The following GNAS-AS1 variants were observed in gnomAD, a reference collection of about 807,000 sequenced individuals.
The protein encoded by GNAS-AS1 is GNAS antisense RNA 1 (non-protein coding).
intron 2 of GNAS-AS1, among the ~76,000 whole-genome samples, chr20:58,848,254 C>A (rs2086012742): frequency 1.3e-5 from 2 of 152,160 alleles, no homozygotes; most frequent in Non-Finnish European, 2.9e-5. Flanking sequence ...GACAGCCAAT[C>A]CTGTCCTCCC....
rs1448185576 is a variant in GNAS-AS1, at chr20:58,840,428, G to T, written n.819+1509C>A. 2.5e-6 allele frequency: 4 copies of T among 1,613,540 alleles called. No homozygotes were observed. The highest frequency in any genetic ancestry group is 1.7e-6 in the Non-Finnish European group (2 of 1,179,902). ...GTGCCTAGAGTACGAGGAAGAGTTC[G>T]ACTACGAGACCGAGAGCGAGACCGA... is the stretch of plus-strand genomic sequence containing the variant. On this transcript the variant is annotated intron_variant and non_coding_transcript_variant, in intron 4 of 4. Coordinates refer to ENST00000424094, the Ensembl canonical transcript of GNAS-AS1. The surrounding 1 kb of genome is among the most constrained non-coding windows in gnomAD (Gnocchi z 6.0).
In GNAS-AS1 at chr20:58,841,487, A is replaced by T; in HGVS notation, n.819+450T>A. 4 of 991,230 alleles carry T rather than the reference A, an allele frequency of 4.0e-6. No homozygotes were observed. Among genetic ancestry groups the T allele is most frequent in the Non-Finnish European group, 4.8e-6 (4 of 834,040 alleles). 61.4% of individuals were successfully genotyped at this position (991,230 alleles called of 1,614,324 possible). A position where few individuals can be genotyped will look rare whatever the true frequency, so the allele number is the denominator to read the frequency against. On this transcript the variant is annotated intron_variant and non_coding_transcript_variant, in intron 4 of 4. Coordinates refer to ENST00000424094, the Ensembl canonical transcript of GNAS-AS1. The surrounding 1 kb of genome is among the most constrained non-coding windows in gnomAD (Gnocchi z 5.0). ...CTCAGAGCCGGAGCCCAGGTCCCAG[A>T]GCTGACAATTAAGCCGCGGGACCTC...
intron 2 of GNAS-AS1, among the ~76,000 whole-genome samples, chr20:58,847,878 A>C (rs1568916634): frequency 6.6e-6 from 1 of 152,220 alleles, no homozygotes; most frequent in Non-Finnish European, 1.5e-5. Flanking sequence ...AGAATCCCAG[A>C]ATGTAAGTAG....
At chr20:58,844,234 G>GT (rs1482987307) in intron 2 of GNAS-AS1, among the ~76,000 whole-genome samples, 2 of 152,170 alleles carry the variant, frequency 1.3e-5, no homozygotes, top group Non-Finnish European at 2.9e-5. Flanking sequence ...TTACCTGGAA[G>GT]GTGACCTATC....
chr20:58,840,451 C>T lies in GNAS-AS1; in HGVS notation n.819+1486G>A. ...TCGACTACGAGACCGAGAGCGAGACCGAGTCCGAAATCGAGTCCGAGACCG... is the reference window on the plus strand; with the variant it reads ...TCGACTACGAGACCGAGAGCGAGACTGAGTCCGAAATCGAGTCCGAGACCG... On this transcript the variant is annotated intron_variant and non_coding_transcript_variant, in intron 4 of 4. Coordinates refer to ENST00000424094, the Ensembl canonical transcript of GNAS-AS1. This position sits in a 1 kb window ranked among gnomAD's most constrained non-coding sequence, Gnocchi z 6.0. 2 of 1,613,406 alleles carry T rather than the reference C, an allele frequency of 1.2e-6. No homozygotes were observed. Among genetic ancestry groups the T allele is most frequent in the South Asian group, 1.1e-5 (1 of 91,066 alleles).
chr20:58,823,077 C>T (rs2085496587), intron 4 of GNAS-AS1, among the ~76,000 whole-genome samples: 1 of 151,950 alleles, frequency 6.6e-6, no homozygotes, highest in African/African-American at 2.4e-5. Flanking sequence ...CTTCCCAAGC[C>T]TTAATCCCAC....
chr20:58,820,883 T>C (rs1036176602), intron 4 of GNAS-AS1, among the ~76,000 whole-genome samples: 1 of 152,196 alleles, frequency 6.6e-6, no homozygotes, highest in African/African-American at 2.4e-5. Context: ...CACGTGGGAA[T>C]TGTGAGAGTT....
chr20:58,821,718 C>G (rs1395891218), intron 4 of GNAS-AS1, among the ~76,000 whole-genome samples: 1 of 152,164 alleles, frequency 6.6e-6, no homozygotes, highest in African/African-American at 2.4e-5. Context: ...ATGTACATGG[C>G]TCTGAAGGAG....
In GNAS-AS1 at chr20:58,836,792, C is replaced by G. The variant is rs2085606681; in HGVS notation, n.819+5145G>C. ...TCTCAGTGCAGTCCCCCACTCCTTCCTCCCAGAGCCTGTGGTGAATGTACA... is the reference window on the plus strand; with the variant it reads ...TCTCAGTGCAGTCCCCCACTCCTTCGTCCCAGAGCCTGTGGTGAATGTACA... On this transcript the variant is annotated intron_variant and non_coding_transcript_variant, in intron 4 of 4. Transcript: ENST00000424094. Among the ~76,000 whole-genome samples, 6 of 152,364 alleles carry G rather than the reference C, an allele frequency of 3.9e-5. No homozygotes were observed. The South Asian group carries it at 1.0e-3, about 26-fold the overall frequency.
intron 4 of GNAS-AS1, among the ~76,000 whole-genome samples, chr20:58,821,252 G>C (rs1381732537): frequency 1.3e-5 from 2 of 152,030 alleles, no homozygotes; most frequent in Non-Finnish European, 2.9e-5. Context: ...CCCACCTCAG[G>C]GCCCTTCCAC....
At chr20:58,824,140 C>A (rs1414861448) in intron 4 of GNAS-AS1, 2 of 398,450 alleles carry the variant, frequency 5.0e-6, no homozygotes, top group Non-Finnish European at 8.8e-6. Flanking sequence ...GAGAAGAACC[C>A]AGTCTACTGT....
rs1487951855 is a variant in GNAS-AS1, at chr20:58,841,850, C to A, written n.819+87G>T. The A allele has an allele frequency of 1.6e-6, 2 of 1,230,970 alleles. No individual in the cohort carries two copies. Among genetic ancestry groups the A allele is most frequent in the Middle Eastern group, 3.1e-4 (1 of 3,206 alleles). 76.3% of individuals were successfully genotyped at this position (1,230,970 alleles called of 1,614,324 possible). A position where few individuals can be genotyped will look rare whatever the true frequency, so the allele number is the denominator to read the frequency against. ...GCTGTTTGCGCAGGACCTCTGGAGG[C>A]CCTCGAGATCGTCGCAAGTGGAAAG... On this transcript the variant is annotated intron_variant and non_coding_transcript_variant, in intron 4 of 4. Coordinates refer to ENST00000424094, the Ensembl canonical transcript of GNAS-AS1. The surrounding 1 kb of genome is among the most constrained non-coding windows in gnomAD (Gnocchi z 5.0).
At chr20:58,848,616 T>A (rs2086033029) in intron 2 of GNAS-AS1, among the ~76,000 whole-genome samples, 1 of 152,158 alleles carries the variant, frequency 6.6e-6, no homozygotes, top group Non-Finnish European at 1.5e-5. Flanking sequence ...GCCATCTCCC[T>A]CCAGATCAAG....
chr20:58,839,561 G>T, intron 4 of GNAS-AS1: 1 of 404,496 alleles, frequency 2.5e-6, no homozygotes, highest in Non-Finnish European at 4.4e-6. Flanking sequence ...CCCGCCCATC[G>T]CTTCGCCCAA....
intron 4 of GNAS-AS1, among the ~76,000 whole-genome samples, chr20:58,837,972 G>A (rs1355952176): frequency 2.0e-5 from 3 of 152,178 alleles, no homozygotes; most frequent in Non-Finnish European, 2.9e-5. Flanking sequence ...TCAGACACCA[G>A]GCAGAAGTAC....
At chr20:58,842,405 GA>G (rs995461153) in intron 3 of GNAS-AS1, 5 of 398,366 alleles carry the variant, frequency 1.3e-5, no homozygotes, top group Non-Finnish European at 2.2e-5. Flanking sequence ...TAACTCCTAA[GA>G]AAAGGATGAT....
chr20:58,833,524 G>C (rs2085581207), intron 4 of GNAS-AS1, among the ~76,000 whole-genome samples: 1 of 152,104 alleles, frequency 6.6e-6, no homozygotes, highest in Non-Finnish European at 1.5e-5. Context: ...TAGCAGTGGA[G>C]GTGACCTTGT....
In GNAS-AS1 at chr20:58,840,018, C is replaced by G; in HGVS notation, n.819+1919G>C. 1.4e-6 allele frequency: 2 copies of G among 1,477,534 alleles called. No individual in the cohort carries two copies. The highest frequency in any genetic ancestry group is 1.9e-6 in the Non-Finnish European group (2 of 1,070,204). The allele number at this position is 1,477,534 out of a possible 1,614,324, so 91.5% of individuals were successfully genotyped here. ...CCAGCTTCTCACCTCATAGGGTGTA[C>G]CTTTCCCGGCTCCAGCAGCCAATGT... On this transcript the variant is annotated intron_variant and non_coding_transcript_variant, in intron 4 of 4. Coordinates refer to ENST00000424094, the Ensembl canonical transcript of GNAS-AS1. The surrounding 1 kb of genome is among the most constrained non-coding windows in gnomAD (Gnocchi z 6.0).
chr20:58,841,444 C>A lies in GNAS-AS1; in HGVS notation n.819+493G>T, dbSNP rs1268166616. ...GACCACCCGGGAGGGAAGTCACGCGCGCGCGGCGCCTAAGCAGCTCAGAGC... is the reference window on the plus strand; with the variant it reads ...GACCACCCGGGAGGGAAGTCACGCGAGCGCGGCGCCTAAGCAGCTCAGAGC... On this transcript the variant is annotated intron_variant and non_coding_transcript_variant, in intron 4 of 4. Transcript: ENST00000424094. The surrounding 1 kb of genome is among the most constrained non-coding windows in gnomAD (Gnocchi z 5.0). The A allele has an allele frequency of 2.1e-5, 21 of 993,330 alleles. No homozygotes were observed. 61.5% of individuals were successfully genotyped at this position (993,330 alleles called of 1,614,324 possible).
Sources: allele counts gnomAD v4.1 joint callset (sites outside exome capture counted in the v4.1 genomes callset), GRCh38; gene constraint gnomAD v4.1.1; non-coding constraint Gnocchi (gnomAD v3.1); transcripts MANE v1.5; gene names NCBI Gene and HGNC (gene_info 2026-07-23, HGNC 2026-07-21).